The following TMEM33 variants were observed in gnomAD, a reference collection of about 807,000 sequenced individuals.
TMEM33 encodes transmembrane protein 33.
In TMEM33, 16 loss-of-function variants were observed where a neutral mutation model predicts 29.7. The ratio of observed to expected loss-of-function variants is 0.54; its 90% confidence interval spans 0.36 to 0.82. The LOEUF (loss-of-function observed/expected upper bound fraction) is 0.82, where lower values mean the gene tolerates loss of function less well. Ranked by LOEUF, TMEM33 falls within the 40% of genes least tolerant of loss-of-function variation. The pLI is 0.00. For missense variants in TMEM33, 252 were observed against 295.3 expected, an observed-to-expected ratio of 0.85 and a Z score of 1.08; for synonymous variants, 112 against 109.4, an observed-to-expected ratio of 1.02 and a Z score of -0.15.
intron 4 of TMEM33, 80 bp from the exon 5 acceptor site, chr4:41,944,713 A>G: frequency 6.6e-7 from 1 of 1,512,748 alleles, no homozygotes; most frequent in Non-Finnish European, 9.0e-7. Flanking sequence ...CCTGTTGGAT[A>G]GGCTGTTTAC....
chr4:41,935,997 T>C (rs1056614243), intron 1 of TMEM33, among the ~76,000 whole-genome samples: 1 of 152,240 alleles, frequency 6.6e-6, no homozygotes, highest in Admixed American at 6.5e-5. Context: ...CTTCACTTTG[T>C]TCTTTATGAA....
chr4:41,945,961 ACT>A (rs1278112029), intron 5 of TMEM33, among the ~76,000 whole-genome samples: 1 of 129,018 alleles, frequency 7.8e-6, no homozygotes, highest in African/African-American at 3.3e-5. Context: ...ACAGAGTGAG[ACT>A]CTGTCTCACC....
chr4:41,952,051 TATTA>T (rs1457703844), intron 6 of TMEM33, among the ~76,000 whole-genome samples: 1 of 152,132 alleles, frequency 6.6e-6, no homozygotes, highest in Non-Finnish European at 1.5e-5. Context: ...ATTTGGAGAC[TATTA>T]GAGTAGTCTA....
chr4:41,954,637 G>T lies in TMEM33; in HGVS notation c.*438G>T. 1 of 152,864 alleles carries T rather than the reference G, an allele frequency of 6.5e-6. No individual in the cohort carries two copies. The highest frequency in any genetic ancestry group is 1.5e-5 in the Non-Finnish European group (1 of 68,310). The allele number at this position is 152,864 out of a possible 1,614,324, so 9.5% of individuals were successfully genotyped here. On this transcript the variant is annotated 3_prime_UTR_variant, in exon 7 of 7. Transcript: ENST00000504986. ...CAGTATTCTACCATTCAGTAATTTT[G>T]GTTAATGATTTTAACACTTCTCAGT...
intron 5 of TMEM33, among the ~76,000 whole-genome samples, chr4:41,945,797 C>G (rs925183631): frequency 1.3e-5 from 2 of 151,714 alleles, no homozygotes; most frequent in Admixed American, 1.3e-4. Flanking sequence ...ATAGTGAAAC[C>G]CTGTCTCTGT....
intron 5 of TMEM33, among the ~76,000 whole-genome samples, chr4:41,946,858 C>T (rs988379175): frequency 6.6e-6 from 1 of 152,004 alleles, no homozygotes; most frequent in Non-Finnish European, 1.5e-5. Context: ...TCATTTTTCT[C>T]GGGTTTTTGT....
intron 3 of TMEM33, among the ~76,000 whole-genome samples, chr4:41,940,046 C>CTTTTTT (rs71650953): frequency 0.016 from 1,334 of 81,014 alleles, 15 homozygotes; most frequent in African/African-American, 0.032. Context: ...GTTAAACTTT[C>CTTTTTT]TTTTTTTTTT....
rs1281529443 is a variant in TMEM33, at chr4:41,954,743, G to A, written c.*544G>A. ...ATGTGTTTTGAATGTACCATTATAA[G>A]AAGAATTCTATGTATCTTAAACTAT... On this transcript the variant is annotated 3_prime_UTR_variant, in exon 7 of 7. Coordinates refer to ENST00000504986, the MANE Select transcript of TMEM33 (RefSeq NM_018126.3). 6.6e-6 allele frequency: 1 copy of A among 152,510 alleles called. No individual in the cohort carries two copies. The highest frequency in any genetic ancestry group is 2.4e-5 in the African/African-American group (1 of 41,392). 9.4% of individuals were successfully genotyped at this position (152,510 alleles called of 1,614,324 possible). A position where few individuals can be genotyped will look rare whatever the true frequency, so the allele number is the denominator to read the frequency against.
At position 41,955,414 on chromosome 4, in the gene TMEM33, A is replaced by G. The variant is rs11934922; in HGVS notation, c.*1215A>G. On this transcript the variant is annotated 3_prime_UTR_variant, in exon 7 of 7. Transcript: ENST00000504986. ...TCTTATAAAATTCATGCTGATCTTC[A>G]TTACCGTTGCATGATTGGAAATGTT... The G allele has an allele frequency of 0.028, 4,331 of 152,560 alleles. 103 individuals carry two copies. The highest frequency in any genetic ancestry group is 0.055 in the African/African-American group (2,278 of 41,552). The allele number at this position is 152,560 out of a possible 1,614,324, so 9.5% of individuals were successfully genotyped here.
chr4:41,935,418 T>G, upstream of TMEM33: 1 of 1,528,244 alleles, frequency 6.5e-7, no homozygotes, highest in Non-Finnish European at 8.9e-7. Flanking sequence ...GCCCCAGCGC[T>G]GACGTTTTCT....
intron 5 of TMEM33, among the ~76,000 whole-genome samples, chr4:41,945,856 A>G (rs1270433128): frequency 6.6e-6 from 1 of 151,742 alleles, no homozygotes; most frequent in African/African-American, 2.4e-5. Flanking sequence ...CTGTAATCCC[A>G]GCTACTCGGG....
chr4:41,945,055 G>A, intron 5 of TMEM33, 129 bp downstream of exon 5: 1 of 1,174,076 alleles, frequency 8.5e-7, no homozygotes, highest in Non-Finnish European at 1.2e-6. Context: ...AATCTTAGCA[G>A]TTGCCTAATC....
In TMEM33 at chr4:41,939,228, C is replaced by T. The variant is rs772338056; in HGVS notation, c.173C>T (p.Ala58Val). 1.2e-6 allele frequency: 2 copies of T among 1,604,056 alleles called. No individual in the cohort carries two copies. The highest frequency in any genetic ancestry group is 1.1e-5 in the South Asian group (1 of 89,308). ...LHEAASFYQR[A>V]LLANALTSAL... ...GAAGCAGCAAGCTTTTACCAACGTG[C>T]TTTGCTGGCAAATGCTCTTACCAGT... The change falls in exon 3 of 7, where the codon GCT becomes GTT. Residue 58 changes from alanine (A) to valine (V), a missense_variant. By Grantham distance (64) the Ala-to-Val change is moderately conservative. Transcript: ENST00000504986.
At chr4:41,944,697 G>A in intron 4 of TMEM33, 96 bp from the exon 5 acceptor site, 1 of 1,374,810 alleles carries the variant, frequency 7.3e-7, no homozygotes, top group South Asian at 1.3e-5. Flanking sequence ...ATATTTGGTT[G>A]TATTGCCTGT....
At position 41,953,625 on chromosome 4, in the gene TMEM33, A is replaced by G. The variant is rs981061383; in HGVS notation, c.615-445A>G. On this transcript the variant is annotated intron_variant, in intron 6 of 6. Coordinates refer to ENST00000504986, the MANE Select transcript of TMEM33 (RefSeq NM_018126.3). ...ATGGGAGGCCTCCTTTCACCTGAGC[A>G]CTTAGAGGCCATTACAGGGTTATTA... is the stretch of plus-strand genomic sequence containing the variant. 6 of 358,746 alleles carry G rather than the reference A, an allele frequency of 1.7e-5. No individual in the cohort carries two copies. The Admixed American group carries it at 2.1e-4, about 13-fold the overall frequency. The allele number at this position is 358,746 out of a possible 1,614,324, so 22.2% of individuals were successfully genotyped here.
rs538269792 is a variant in TMEM33, at chr4:41,954,577, G to A, written c.*378G>A. ...TTATATCTGGCATGAATTCATTATG[G>A]TGATACACATATGTGAATTCAGTAC... On this transcript the variant is annotated 3_prime_UTR_variant, in exon 7 of 7. Coordinates refer to ENST00000504986, the MANE Select transcript of TMEM33 (RefSeq NM_018126.3). 8.7e-5 allele frequency: 14 copies of A among 160,234 alleles called. No individual in the cohort carries two copies. In the South Asian group the frequency reaches 2.3e-3, roughly 26 times the overall value. 9.9% of individuals were successfully genotyped at this position (160,234 alleles called of 1,614,324 possible). A position where few individuals can be genotyped will look rare whatever the true frequency, so the allele number is the denominator to read the frequency against.
chr4:41,935,634 TG>T, intron 1 of TMEM33, 105 bp downstream of exon 1: 1 of 1,159,154 alleles, frequency 8.6e-7, no homozygotes, highest in Admixed American at 2.2e-5. Context: ...CATTCAGGAA[TG>T]GGATTAATGA....
chr4:41,937,676 A>C (rs1313220547), intron 1 of TMEM33, among the ~76,000 whole-genome samples: 2 of 152,226 alleles, frequency 1.3e-5, no homozygotes, highest in African/African-American at 2.4e-5. Context: ...ACTTTTGTTT[A>C]TATATCCATG....
intron 3 of TMEM33, among the ~76,000 whole-genome samples, chr4:41,942,176 T>C (rs1712569499): frequency 6.6e-6 from 1 of 152,268 alleles, no homozygotes; most frequent in African/African-American, 2.4e-5. Context: ...TTGAATTCTT[T>C]AAGGATCGAC....
Sources: gnomAD v4.1 joint callset for allele counts (sites outside exome capture counted in the v4.1 genomes callset) on GRCh38, gnomAD v4.1.1 for gene constraint, MANE v1.5 for transcripts, NCBI Gene and HGNC (gene_info 2026-07-23, HGNC 2026-07-21) for gene names.